Variants in ZNF536 observed in about 807,000 individuals in gnomAD.
The protein encoded by ZNF536 is zinc finger protein 536.
Under a neutral mutation model 84.5 loss-of-function variants are expected in ZNF536, and 13 were observed. That is an observed-to-expected ratio of 0.15 (90% CI 0.10 to 0.24). The LOEUF (loss-of-function observed/expected upper bound fraction) is 0.24, where lower values mean the gene tolerates loss of function less well. Among genes scored for constraint, ZNF536 ranks in the 10% least tolerant of loss-of-function variants. The probability of loss-of-function intolerance (pLI) is 1.00; values close to 1 mark genes in which losing one functional copy is unlikely to be tolerated. For synonymous variants in ZNF536, 811 were observed against 742.5 expected (o/e 1.09, Z -1.50); for missense variants, 1,536 against 1,747.5 (o/e 0.88, Z 2.16).
chr19:30,288,338 G>A (rs996380445), intron 2 of ZNF536, among the ~76,000 whole-genome samples: 1 of 152,116 alleles, frequency 6.6e-6, no homozygotes, highest in Non-Finnish European at 1.5e-5. Context: ...GCCATGACTT[G>A]GTCTCTGTGG....
intron 1 of ZNF536, among the ~76,000 whole-genome samples, chr19:30,661,968 AT>A (rs2050138056): frequency 6.6e-6 from 1 of 152,074 alleles, no homozygotes; most frequent in Admixed American, 6.5e-5. Flanking sequence ...GCTTTTCGTT[AT>A]TTTCCAAATA....
chr19:30,355,444 G>C (rs1426337943), intron 3 of ZNF536, among the ~76,000 whole-genome samples: 1 of 152,126 alleles, frequency 6.6e-6, no homozygotes, highest in Non-Finnish European at 1.5e-5. Context: ...TTGGAGTGCA[G>C]TGGCGTGATT....
chr19:30,578,532 T>C (rs1036435117), intron 1 of ZNF536, among the ~76,000 whole-genome samples: 3 of 152,246 alleles, frequency 2.0e-5, no homozygotes, highest in African/African-American at 7.2e-5. Context: ...GCCTGGTCTC[T>C]ATGTAAGTTT....
chr19:30,302,125 T>C (rs2046205979), intron 2 of ZNF536, among the ~76,000 whole-genome samples: 1 of 152,198 alleles, frequency 6.6e-6, no homozygotes, highest in East Asian at 1.9e-4. Context: ...GGTTTGGGGG[T>C]AAGGCAGAGA....
At chr19:30,679,205 G>A (rs1028861793) in intron 1 of ZNF536, among the ~76,000 whole-genome samples, 19 of 152,162 alleles carry the variant, frequency 1.2e-4, no homozygotes, top group African/African-American at 4.1e-4. Context: ...GCACCAGCCC[G>A]ATTTTTTATT....
At chr19:30,565,486 C>G (rs1486770282) in intron 1 of ZNF536, among the ~76,000 whole-genome samples, 1 of 152,236 alleles carries the variant, frequency 6.6e-6, no homozygotes, top group Non-Finnish European at 1.5e-5. Context: ...AACCAGAAAC[C>G]CTCTGTCATT....
chr19:30,283,823 G>T (rs2045538735), intron 1 of ZNF536, among the ~76,000 whole-genome samples: 2 of 152,250 alleles, frequency 1.3e-5, no homozygotes, highest in South Asian at 2.1e-4. Context: ...GAGATGGTTA[G>T]AAGTTCTTTT....
intron 1 of ZNF536, among the ~76,000 whole-genome samples, chr19:30,375,158 G>T (rs1314900300): frequency 1.3e-5 from 2 of 150,188 alleles, no homozygotes; most frequent in East Asian, 3.9e-4. Flanking sequence ...AGGAACGCGA[G>T]CCCCGCCGCC....
chr19:30,381,852 A>T (rs981679026), intron 1 of ZNF536, among the ~76,000 whole-genome samples: 1 of 152,188 alleles, frequency 6.6e-6, no homozygotes, highest in African/African-American at 2.4e-5. Context: ...TGTGTATTTC[A>T]TCTCTTGGCC....
chr19:30,671,106 A>C (rs1323105753), intron 1 of ZNF536, among the ~76,000 whole-genome samples: 3 of 152,244 alleles, frequency 2.0e-5, no homozygotes, highest in Non-Finnish European at 4.4e-5. Context: ...CCCTAGAGGA[A>C]CAAGGATGAA....
At position 30,574,515 on chromosome 19, in the gene ZNF536, CTGA is replaced by C. The variant is rs531544434; in HGVS notation, c.169+25004_169+25006del. 5.4e-4 allele frequency among the ~76,000 whole-genome samples: 83 copies of C among 152,372 alleles called. 2 individuals are homozygous for C. In the South Asian group the frequency reaches 0.016, roughly 30 times the overall value. The stretch of plus-strand genomic sequence containing the variant: ...CAATAGCAATGACCTCTTTCCCTCA[CTGA>C]TGCCCAAGGTCCAGCCAAAGACATT... On this transcript the variant is annotated intron_variant, in intron 1 of 1. Coordinates refer to the ZNF536 transcript ENST00000592773.
At chr19:30,616,156 T>C (rs1196017424) in intron 1 of ZNF536, among the ~76,000 whole-genome samples, 1 of 152,206 alleles carries the variant, frequency 6.6e-6, no homozygotes, top group Non-Finnish European at 1.5e-5. Context: ...TTTTAAACAA[T>C]TTTAGAATTC....
chr19:30,571,615 C>T (rs1408722911), intron 1 of ZNF536, among the ~76,000 whole-genome samples: 1 of 152,200 alleles, frequency 6.6e-6, no homozygotes, highest in Admixed American at 6.5e-5. Flanking sequence ...GGTGCTGGCC[C>T]TACATGTTTC....
intron 2 of ZNF536, among the ~76,000 whole-genome samples, chr19:30,520,314 G>A (rs1049653380): frequency 2.6e-5 from 4 of 152,176 alleles, no homozygotes; most frequent in African/African-American, 7.2e-5. Context: ...GGCTTCCCGG[G>A]TGCAAGCCCC....
At chr19:30,654,115 C>T (rs2049814024) in intron 1 of ZNF536, among the ~76,000 whole-genome samples, 2 of 152,160 alleles carry the variant, frequency 1.3e-5, no homozygotes, top group South Asian at 2.1e-4. Context: ...GTCGCCGACG[C>T]TCCTTTGAAA....
At chr19:30,312,819 G>A (rs1457496111) in intron 2 of ZNF536, among the ~76,000 whole-genome samples, 1 of 152,232 alleles carries the variant, frequency 6.6e-6, no homozygotes, top group Non-Finnish European at 1.5e-5. Flanking sequence ...TGCACAGAGA[G>A]CCAGGAGCCT....
intron 1 of ZNF536, among the ~76,000 whole-genome samples, chr19:30,416,656 G>C (rs1431375498): frequency 1.3e-5 from 2 of 152,146 alleles, no homozygotes; most frequent in Non-Finnish European, 2.9e-5. Context: ...GGCACTGGGA[G>C]ACTCAGGTGC....
intron 1 of ZNF536, among the ~76,000 whole-genome samples, chr19:30,613,790 A>G (rs1033205991): frequency 2.0e-5 from 3 of 152,256 alleles, no homozygotes; most frequent in Non-Finnish European, 4.4e-5. Context: ...TAATACAAAT[A>G]TATGCATTAA....
intron 1 of ZNF536, among the ~76,000 whole-genome samples, chr19:30,408,322 G>A (rs981364447): frequency 7.9e-5 from 12 of 152,102 alleles, no homozygotes; most frequent in Admixed American, 7.9e-4. Flanking sequence ...GTCTGCTCAC[G>A]GGTGTTAAGC....
Sources: gnomAD v4.1 joint callset for allele counts (sites outside exome capture counted in the v4.1 genomes callset) on GRCh38, gnomAD v4.1.1 for gene constraint, MANE v1.5 for transcripts, NCBI Gene and HGNC (gene_info 2026-07-23, HGNC 2026-07-21) for gene names.